GRIK2: variants seen among roughly 807,000 people sequenced by gnomAD.
GRIK2 encodes glutamate receptor ionotropic, kainate 2.
A neutral mutation model predicts 100.3 loss-of-function variants in GRIK2; 32 were observed. The observed-to-expected ratio is 0.32, with a 90% CI of 0.24 to 0.43. The LOEUF (loss-of-function observed/expected upper bound fraction) is 0.43. GRIK2 is among the 20% of genes least tolerant of loss of function. The probability of loss-of-function intolerance (pLI) is 1.00; values close to 1 mark genes in which losing one functional copy is unlikely to be tolerated. For synonymous variants in GRIK2, 417 were observed against 389.4 expected (o/e 1.07, Z -0.83); for missense variants, 843 against 1,114.9 (o/e 0.76, Z 3.47).
chr6:101,769,072 C>A (rs1221707276), intron 7 of GRIK2, among the ~76,000 whole-genome samples: 1 of 152,026 alleles, frequency 6.6e-6, no homozygotes, highest in African/African-American at 2.4e-5. Flanking sequence ...AAACTTCATG[C>A]TTTTAACTTT....
At chr6:101,849,639 T>C (rs1042503335) in intron 10 of GRIK2, among the ~76,000 whole-genome samples, 3 of 151,976 alleles carry the variant, frequency 2.0e-5, no homozygotes, top group Non-Finnish European at 4.4e-5. Context: ...TAATAAGATA[T>C]AGAGACTGAA....
At chr6:101,935,133 G>A (rs181994672) in intron 14 of GRIK2, among the ~76,000 whole-genome samples, 88 of 151,946 alleles carry the variant, frequency 5.8e-4, no homozygotes, top group Middle Eastern at 3.4e-3. Flanking sequence ...TTACTATTAC[G>A]CGGATTCTAA....
rs182635804 is a variant in GRIK2 at position 101,844,497 on chromosome 6, T to C, written c.1318-14790T>C. On this transcript the variant is annotated intron_variant, in intron 10 of 16. Coordinates refer to ENST00000369134, the MANE Select transcript of GRIK2 (RefSeq NM_021956.5). ...AGAACTGGAAAATAATGAGCCATTA[T>C]TAGCACTAGTTTTGTCTGATCAAAT... 2.6e-4 allele frequency among the ~76,000 whole-genome samples: 40 copies of C among 152,334 alleles called. No homozygotes were observed. The East Asian group carries it at 7.3e-3, about 28-fold the overall frequency.
chr6:102,050,619 C>T (rs1771121200), intron 15 of GRIK2, among the ~76,000 whole-genome samples: 1 of 141,516 alleles, frequency 7.1e-6, no homozygotes, highest in African/African-American at 2.7e-5. Context: ...TGCACTCCAG[C>T]GCCTGGGCGA....
At chr6:101,575,927 T>C (rs1777767495) in intron 2 of GRIK2, among the ~76,000 whole-genome samples, 1 of 152,000 alleles carries the variant, frequency 6.6e-6, no homozygotes, top group African/African-American at 2.4e-5. Flanking sequence ...CATCACCCCA[T>C]GTTCTTTCAA....
At chr6:101,943,897 A>G (rs1470930174) in intron 14 of GRIK2, among the ~76,000 whole-genome samples, 1 of 152,140 alleles carries the variant, frequency 6.6e-6, no homozygotes, top group Non-Finnish European at 1.5e-5. Flanking sequence ...TTGAAATGTG[A>G]GAAGGACATG....
At chr6:101,580,254 C>G (rs1240700581) in intron 2 of GRIK2, among the ~76,000 whole-genome samples, 2 of 152,140 alleles carry the variant, frequency 1.3e-5, no homozygotes, top group Non-Finnish European at 2.9e-5. Flanking sequence ...TTTTGTTTGG[C>G]TGGTTGGTTC....
chr6:101,875,383 T>G (rs989758865), intron 11 of GRIK2, among the ~76,000 whole-genome samples: 11 of 151,806 alleles, frequency 7.2e-5, no homozygotes, highest in Non-Finnish European at 1.6e-4. Context: ...GGAGCATCCT[T>G]TCTTAGAGAT....
In GRIK2 at chr6:102,069,776, G is replaced by A. The variant is rs1233311288; in HGVS notation, c.*1265G>A. The A allele has an allele frequency of 6.6e-6, 1 of 151,884 alleles. No homozygotes were observed. Among genetic ancestry groups the A allele is most frequent in the Non-Finnish European group, 1.5e-5 (1 of 67,954 alleles). The allele number at this position is 151,884 out of a possible 1,614,324, so 9.4% of individuals were successfully genotyped here. On this transcript the variant is annotated 3_prime_UTR_variant, in exon 17 of 17. Transcript: ENST00000369134. ...AGGGGTGTGATGTCAAGCATGAATG[G>A]TAGTGCGTGTGCACCACCAACGTTT... is the stretch of plus-strand genomic sequence containing the variant.
intron 2 of GRIK2, among the ~76,000 whole-genome samples, chr6:101,477,666 C>A (rs936420925): frequency 6.6e-6 from 1 of 151,842 alleles, no homozygotes. Context: ...ACTTGTTTAG[C>A]CTTAATAAAA....
intron 2 of GRIK2, among the ~76,000 whole-genome samples, chr6:101,616,057 G>A (rs1297825151): frequency 1.3e-5 from 2 of 151,712 alleles, no homozygotes; most frequent in African/African-American, 2.4e-5. Context: ...TATTTGCCAT[G>A]CTTTGGATTT....
At chr6:101,675,168 C>T (rs997355984) in intron 4 of GRIK2, among the ~76,000 whole-genome samples, 2 of 151,904 alleles carry the variant, frequency 1.3e-5, no homozygotes, top group East Asian at 1.9e-4. Context: ...CCCTCTCCAT[C>T]CCTCTCTTCC....
At chr6:101,714,912 T>C (rs1773956842) in intron 7 of GRIK2, among the ~76,000 whole-genome samples, 1 of 151,768 alleles carries the variant, frequency 6.6e-6, no homozygotes, top group South Asian at 2.1e-4. Flanking sequence ...GTTTAAATGA[T>C]AATTATAATA....
intron 2 of GRIK2, among the ~76,000 whole-genome samples, chr6:101,487,894 T>A (rs1772911247): frequency 6.8e-6 from 1 of 146,288 alleles, no homozygotes; most frequent in Admixed American, 6.8e-5. Flanking sequence ...TAACCCTGAG[T>A]AAATGTTATT....
intron 10 of GRIK2, among the ~76,000 whole-genome samples, chr6:101,852,564 G>C (rs914958830): frequency 9.2e-5 from 14 of 152,076 alleles, no homozygotes; most frequent in Admixed American, 3.9e-4. Flanking sequence ...GGGGATGTTT[G>C]GTGCTTTTGA....
In GRIK2 at chr6:101,401,825, G is replaced by A. The variant is rs748873517; in HGVS notation, c.115+2433G>A. On this transcript the variant is annotated intron_variant, in intron 2 of 16. Transcript: ENST00000369134. The stretch of plus-strand genomic sequence containing the variant: ...ATGCCCTGGACCCGTGCCTTGGAAG[G>A]GAAGAGCTTGGAGTTGCACGTGGCG... Among the ~76,000 whole-genome samples the A allele has an allele frequency of 3.7e-4, 57 of 152,200 alleles. 1 individual carries two copies. Among genetic ancestry groups the A allele is most frequent in the Non-Finnish European group, 6.5e-4 (44 of 68,038 alleles).
At chr6:101,425,026 T>C (rs1776628478) in intron 2 of GRIK2, among the ~76,000 whole-genome samples, 1 of 152,034 alleles carries the variant, frequency 6.6e-6, no homozygotes. Context: ...ACAATAAACA[T>C]ACATGTGCAG....
At chr6:101,685,546 A>C (rs572072621) in intron 6 of GRIK2, among the ~76,000 whole-genome samples, 1 of 152,292 alleles carries the variant, frequency 6.6e-6, no homozygotes, top group African/African-American at 2.4e-5. Flanking sequence ...GGGCAGAGCA[A>C]GAAAGTTCAC....
chr6:102,031,076 T>TACACACACACACACAC (rs55900001), intron 14 of GRIK2, among the ~76,000 whole-genome samples: 31 of 118,320 alleles, frequency 2.6e-4, no homozygotes, highest in Admixed American at 4.6e-4. Flanking sequence ...TATTATGCAT[T>TACACACACACACACAC]ACACACACAC....
Sources: gnomAD v4.1 joint callset for allele counts (sites outside exome capture counted in the v4.1 genomes callset) on GRCh38, gnomAD v4.1.1 for gene constraint, MANE v1.5 for transcripts, NCBI Gene and HGNC (gene_info 2026-07-23, HGNC 2026-07-21) for gene names.